The following SFXN5 variants were observed in gnomAD, a reference collection of about 807,000 sequenced individuals.
SFXN5 encodes sideroflexin-5.
Under a neutral mutation model 50.2 loss-of-function variants are expected in SFXN5, and 43 were observed. That is an observed-to-expected ratio of 0.86 (90% confidence interval 0.67 to 1.11). The LOEUF is 1.11. Among genes scored for constraint, SFXN5 ranks in the 50% least tolerant of loss-of-function variants. SFXN5 has a pLI of 0.00. For missense variants in SFXN5, 463 were observed against 454.1 expected (o/e 1.02, Z -0.18); for synonymous variants, 203 against 185.8 (o/e 1.09, Z -0.75).
At chr2:72,946,539 C>G (rs1266030150) in intron 13 of SFXN5, among the ~76,000 whole-genome samples, 1 of 152,142 alleles carries the variant, frequency 6.6e-6, no homozygotes, top group Non-Finnish European at 1.5e-5. Flanking sequence ...CTTGTTTCTC[C>G]CTGGAGCCTC....
At chr2:72,970,129 C>T (rs910793772) in intron 11 of SFXN5, among the ~76,000 whole-genome samples, 1 of 152,160 alleles carries the variant, frequency 6.6e-6, no homozygotes, top group Non-Finnish European at 1.5e-5. Context: ...GTTATCATGG[C>T]ATGGCTGTCC....
chr2:72,952,154 C>T (rs1288704387), intron 13 of SFXN5, among the ~76,000 whole-genome samples: 1 of 152,246 alleles, frequency 6.6e-6, no homozygotes, highest in Non-Finnish European at 1.5e-5. Context: ...CAGCTGGACA[C>T]TCCAGGCCTT....
intron 5 of SFXN5, among the ~76,000 whole-genome samples, 155 bp from the exon 6 acceptor site, chr2:73,020,419 T>C (rs980531747): frequency 6.6e-6 from 1 of 152,264 alleles, no homozygotes; most frequent in South Asian, 2.1e-4. Flanking sequence ...CATAGACCCT[T>C]TCCCAGTTCA....
At chr2:73,059,127 A>AGCT in intron 1 of SFXN5, 1 of 984,128 alleles carries the variant, frequency 1.0e-6, no homozygotes, top group Non-Finnish European at 1.2e-6. Flanking sequence ...ACAGCCCTGT[A>AGCT]GCTGCTGAAG....
At chr2:73,026,227 A>G (rs1677536825) in intron 3 of SFXN5, among the ~76,000 whole-genome samples, 1 of 146,780 alleles carries the variant, frequency 6.8e-6, no homozygotes. Context: ...TCCCAGGTTC[A>G]AGTGATTCTT....
chr2:73,047,263 TATATATATATATAC>T lies in SFXN5; in HGVS notation c.172-6346_172-6333del, dbSNP rs1228186424. On this transcript the variant is annotated intron_variant, in intron 2 of 13. Coordinates refer to ENST00000272433, the MANE Select transcript of SFXN5 (RefSeq NM_144579.3). ...AAAAAAAAATATATATATATATATA[TATATATATATATAC>T]ACACATATATATATATATATAAAAT... Among the ~76,000 whole-genome samples, 220 of 77,222 alleles carry T rather than the reference TATATATATATATAC, an allele frequency of 2.8e-3. 3 individuals carry two copies. The highest frequency in any genetic ancestry group is 0.011 in the African/African-American group (203 of 19,060). 50.7% of individuals were successfully genotyped at this position (77,222 alleles called of 152,430 possible).
At chr2:73,014,260 ACTTT>A (rs1202484549) in intron 6 of SFXN5, among the ~76,000 whole-genome samples, 2 of 152,140 alleles carry the variant, frequency 1.3e-5, no homozygotes, top group East Asian at 1.9e-4. Flanking sequence ...TAGAGATCTG[ACTTT>A]CTTTCTTTTC....
chr2:72,997,904 T>A (rs924395399), intron 9 of SFXN5: 3 of 152,112 alleles, frequency 2.0e-5, no homozygotes, highest in Admixed American at 2.0e-4. Flanking sequence ...TTTGTTTTTT[T>A]AAATGGGGTC....
chr2:72,980,203 T>C (rs1483217131), intron 10 of SFXN5, among the ~76,000 whole-genome samples: 2 of 151,992 alleles, frequency 1.3e-5, no homozygotes, highest in African/African-American at 4.8e-5. Context: ...ATTCAAATGG[T>C]GTAAAAGGGG....
Position 72,992,617 on chromosome 2 carries a change from G to A in SFXN5, c.535-4269C>T, listed in dbSNP as rs1260880530. 1.3e-5 allele frequency among the ~76,000 whole-genome samples: 2 copies of A among 152,156 alleles called. No individual in the cohort carries two copies. Among genetic ancestry groups the A allele is most frequent in the Non-Finnish European group, 2.9e-5 (2 of 68,022 alleles). ...CAGCGTTCTGGGCAGGAGCCTCCTG[G>A]GGCCCACGTGTAACCATGGCTCCCT... On this transcript the variant is annotated intron_variant, in intron 9 of 13. Coordinates refer to ENST00000272433, the MANE Select transcript of SFXN5 (RefSeq NM_144579.3). This position sits in a 1 kb window ranked among gnomAD's most constrained non-coding sequence, Gnocchi z 4.5.
intron 10 of SFXN5, among the ~76,000 whole-genome samples, chr2:72,975,148 A>G (rs1670484434): frequency 6.6e-6 from 1 of 152,250 alleles, no homozygotes; most frequent in Non-Finnish European, 1.5e-5. Context: ...CTCAGTGTTA[A>G]GTCCTGAAGA....
At chr2:73,015,749 A>G (rs919981124) in intron 6 of SFXN5, among the ~76,000 whole-genome samples, 81 of 152,130 alleles carry the variant, frequency 5.3e-4, no homozygotes, top group African/African-American at 1.9e-3. Flanking sequence ...TTAAACTGCA[A>G]ATTAAATTTC....
intron 10 of SFXN5, among the ~76,000 whole-genome samples, chr2:72,980,520 T>C (rs1056569113): frequency 2.6e-5 from 4 of 152,108 alleles, no homozygotes; most frequent in African/African-American, 7.2e-5. Flanking sequence ...GCACAAATTT[T>C]CTCTTAAGTA....
At chr2:72,963,643 G>A (rs1371468220) in intron 12 of SFXN5, among the ~76,000 whole-genome samples, 1 of 152,148 alleles carries the variant, frequency 6.6e-6, no homozygotes, top group East Asian at 1.9e-4. Flanking sequence ...GAAAGACCTG[G>A]AGCCCAGGGA....
chr2:73,064,850 G>A (rs1027101824), intron 1 of SFXN5, among the ~76,000 whole-genome samples: 3 of 152,064 alleles, frequency 2.0e-5, no homozygotes, highest in South Asian at 2.1e-4. Context: ...GCAGTGGCAC[G>A]ATCATAGCTC....
intron 1 of SFXN5, among the ~76,000 whole-genome samples, chr2:73,067,788 A>G (rs1280063636): frequency 6.6e-6 from 1 of 152,220 alleles, no homozygotes; most frequent in Non-Finnish European, 1.5e-5. Flanking sequence ...TCTCCAGATT[A>G]GTATGTTTGT....
intron 6 of SFXN5, among the ~76,000 whole-genome samples, chr2:73,003,571 C>T (rs998906263): frequency 1.2e-4 from 18 of 152,126 alleles, no homozygotes; most frequent in African/African-American, 3.4e-4. Context: ...CTCTTTGCAC[C>T]GTCAGAAGCT....
chr2:73,023,484 T>C (rs965441613), intron 3 of SFXN5, among the ~76,000 whole-genome samples: 1 of 152,206 alleles, frequency 6.6e-6, no homozygotes, highest in African/African-American at 2.4e-5. Context: ...GTCTGCACTT[T>C]AGAATTCCTT....
chr2:73,069,346 G>A (rs1365336942), intron 1 of SFXN5, among the ~76,000 whole-genome samples: 1 of 152,154 alleles, frequency 6.6e-6, no homozygotes, highest in African/African-American at 2.4e-5. Context: ...GTGGACTTGA[G>A]AGCTGTGTAA....
Sources: allele counts gnomAD v4.1 joint callset (sites outside exome capture counted in the v4.1 genomes callset), GRCh38; gene constraint gnomAD v4.1.1; non-coding constraint Gnocchi (gnomAD v3.1); transcripts MANE v1.5; gene names NCBI Gene and HGNC (gene_info 2026-07-23, HGNC 2026-07-21).